Variants in SNTG1 observed in about 807,000 individuals in gnomAD.
SNTG1 encodes gamma-1-syntrophin.
In SNTG1, 39 loss-of-function variants were observed where a neutral mutation model predicts 74.7. That is an observed-to-expected ratio of 0.52 (90% CI 0.40 to 0.68). SNTG1 has a LOEUF of 0.68. SNTG1 is among the 30% of genes least tolerant of loss of function. The pLI is 0.00. For missense variants in SNTG1, 685 were observed against 609.5 expected (o/e 1.12, Z -1.30); for synonymous variants, 254 against 217.1 (o/e 1.17, Z -1.49).
At chr8:49,921,228 A>G (rs1002597354) in intron 1 of SNTG1, among the ~76,000 whole-genome samples, 1 of 152,098 alleles carries the variant, frequency 6.6e-6, no homozygotes, top group East Asian at 1.9e-4. Context: ...AAGAGAAAAG[A>G]AGGTCATAAA....
intron 4 of SNTG1, among the ~76,000 whole-genome samples, chr8:50,433,350 C>T (rs1172289247): frequency 6.6e-6 from 1 of 152,244 alleles, no homozygotes; most frequent in South Asian, 2.1e-4. Flanking sequence ...TATTTCATCA[C>T]TGCGCTAGCT....
chr8:50,718,305 T>C (rs2095479567), intron 17 of SNTG1, among the ~76,000 whole-genome samples: 1 of 152,004 alleles, frequency 6.6e-6, no homozygotes, highest in Non-Finnish European at 1.5e-5. Context: ...AAAAGTAAAA[T>C]AGTCAGGCAC....
intron 2 of SNTG1, among the ~76,000 whole-genome samples, chr8:50,277,049 C>T (rs761753753): frequency 5.3e-5 from 8 of 151,988 alleles, no homozygotes; most frequent in African/African-American, 1.2e-4. Flanking sequence ...AGGATGGTCT[C>T]GATCTCCTGA....
At chr8:50,371,092 G>T (rs2092257744) in intron 2 of SNTG1, among the ~76,000 whole-genome samples, 1 of 152,128 alleles carries the variant, frequency 6.6e-6, no homozygotes, top group South Asian at 2.1e-4. Flanking sequence ...CACAGCATGG[G>T]TCTTTATGAT....
intron 1 of SNTG1, among the ~76,000 whole-genome samples, chr8:50,117,072 C>G (rs2080848127): frequency 6.6e-6 from 1 of 151,920 alleles, no homozygotes; most frequent in South Asian, 2.1e-4. Context: ...TTTAACATCA[C>G]GGTTTACATT....
intron 1 of SNTG1, among the ~76,000 whole-genome samples, chr8:49,947,043 T>G (rs1332456300): frequency 6.6e-6 from 1 of 152,198 alleles, no homozygotes; most frequent in Non-Finnish European, 1.5e-5. Flanking sequence ...CTCATGCCTG[T>G]AATCCCAGCA....
intron 18 of SNTG1, among the ~76,000 whole-genome samples, chr8:50,784,491 T>C (rs572280805): frequency 1.3e-5 from 2 of 152,240 alleles, no homozygotes; most frequent in South Asian, 2.1e-4. Flanking sequence ...CAAGGAGATA[T>C]AACAATTATA....
At chr8:50,013,386 T>C (rs1437095901) in intron 1 of SNTG1, among the ~76,000 whole-genome samples, 3 of 152,086 alleles carry the variant, frequency 2.0e-5, no homozygotes, top group African/African-American at 7.2e-5. Context: ...CTTGACAACT[T>C]TCTTTAATTA....
At chr8:50,372,082 A>G (rs569776730) in intron 2 of SNTG1, among the ~76,000 whole-genome samples, 1 of 152,152 alleles carries the variant, frequency 6.6e-6, no homozygotes, top group African/African-American at 2.4e-5. Context: ...TGTGTGTCTT[A>G]TAGTTATTTC....
chr8:50,776,603 A>G lies in SNTG1; in HGVS notation c.1396-16068A>G, dbSNP rs368059710. 2.4e-4 allele frequency among the ~76,000 whole-genome samples: 36 copies of G among 150,728 alleles called. 1 individual carries two copies. In the South Asian group the frequency reaches 2.5e-3, roughly 10 times the overall value. On this transcript the variant is annotated intron_variant, in intron 18 of 18. Transcript: ENST00000642720. ...TAAGAACCAAACCAGACAATATTACAATTTTTGTTTCAATACCCAAGTATA... is the reference window on the plus strand; with the variant it reads ...TAAGAACCAAACCAGACAATATTACGATTTTTGTTTCAATACCCAAGTATA...
At chr8:50,070,661 A>T (rs193085156) in intron 1 of SNTG1, among the ~76,000 whole-genome samples, 1 of 152,358 alleles carries the variant, frequency 6.6e-6, no homozygotes, top group Non-Finnish European at 1.5e-5. Context: ...TTTCAATTCC[A>T]TTCTGCAAAG....
intron 2 of SNTG1, among the ~76,000 whole-genome samples, chr8:50,293,765 A>G (rs528322770): frequency 1.3e-4 from 20 of 152,268 alleles, no homozygotes; most frequent in African/African-American, 4.8e-4. Context: ...AAACACAGTC[A>G]TATCTGTAGT....
chr8:50,323,077 C>T (rs1444300048), intron 2 of SNTG1, among the ~76,000 whole-genome samples: 1 of 149,600 alleles, frequency 6.7e-6, no homozygotes, highest in African/African-American at 2.5e-5. Flanking sequence ...CACTGCACTC[C>T]AGCCTGGGCA....
At chr8:50,492,860 T>A (rs777543256) in intron 8 of SNTG1, among the ~76,000 whole-genome samples, 5 of 152,220 alleles carry the variant, frequency 3.3e-5, no homozygotes, top group Non-Finnish European at 7.3e-5. Context: ...GTTTTTATGG[T>A]TTTATGTATT....
chr8:50,351,421 G>T (rs1338007446), intron 2 of SNTG1, among the ~76,000 whole-genome samples: 2 of 152,106 alleles, frequency 1.3e-5, no homozygotes, highest in African/African-American at 4.8e-5. Flanking sequence ...GCTACCCTTG[G>T]AGCTTTCTAG....
intron 12 of SNTG1, among the ~76,000 whole-genome samples, chr8:50,557,572 C>G (rs2094463728): frequency 1.3e-5 from 2 of 152,286 alleles, no homozygotes; most frequent in South Asian, 4.1e-4. Flanking sequence ...CCCTGGCTCA[C>G]AGCCACATCA....
At chr8:50,514,895 A>G (rs1322545225) in intron 9 of SNTG1, among the ~76,000 whole-genome samples, 1 of 152,096 alleles carries the variant, frequency 6.6e-6, no homozygotes, top group Non-Finnish European at 1.5e-5. Context: ...ATATATTTGG[A>G]TATTTGGCTG....
chr8:50,291,343 C>A (rs1403928559), intron 2 of SNTG1, among the ~76,000 whole-genome samples: 3 of 150,724 alleles, frequency 2.0e-5, no homozygotes, highest in Non-Finnish European at 3.0e-5. Context: ...GTGTGAGGTA[C>A]TATTTTTTTA....
intron 13 of SNTG1, among the ~76,000 whole-genome samples, chr8:50,613,180 G>A (rs1198999575): frequency 2.0e-5 from 3 of 152,140 alleles, no homozygotes; most frequent in Non-Finnish European, 4.4e-5. Flanking sequence ...TCAAATCAAT[G>A]TTTTCTGCAT....
Sources: gnomAD v4.1 joint callset for allele counts (sites outside exome capture counted in the v4.1 genomes callset) on GRCh38, gnomAD v4.1.1 for gene constraint, MANE v1.5 for transcripts, NCBI Gene and HGNC (gene_info 2026-07-23, HGNC 2026-07-21) for gene names.